LARGE1: variants seen among roughly 807,000 people sequenced by gnomAD.
The protein encoded by LARGE1 is xylosyl- and glucuronyltransferase LARGE1.
In LARGE1, 43 loss-of-function variants were observed where a neutral mutation model predicts 87.6. The ratio of observed to expected loss-of-function variants is 0.49; its 90% CI spans 0.38 to 0.63. LARGE1 has a LOEUF of 0.63. LARGE1 is among the 30% of genes least tolerant of loss of function. LARGE1 has a pLI of 0.00. For synonymous variants in LARGE1, 434 were observed against 394.6 expected (o/e 1.10, Z -1.18); for missense variants, 802 against 1,000.2 (o/e 0.80, Z 2.67).
At chr22:33,241,599 TAC>T (rs1049758072) in intron 11 of LARGE1, among the ~76,000 whole-genome samples, 24 of 152,178 alleles carry the variant, frequency 1.6e-4, no homozygotes, top group African/African-American at 5.1e-4. Flanking sequence ...TGTATATATG[TAC>T]ATATATATGT....
At chr22:33,332,047 G>A (rs1049433762) in intron 10 of LARGE1, among the ~76,000 whole-genome samples, 2 of 152,016 alleles carry the variant, frequency 1.3e-5, no homozygotes, top group African/African-American at 2.4e-5. Flanking sequence ...TGCAAGAGCC[G>A]AGCTTTAATC....
chr22:33,274,300 G>A lies in LARGE1; in HGVS notation c.*127C>T. 1.0e-6 allele frequency: 1 copy of A among 1,003,716 alleles called. No individual in the cohort carries two copies. The allele number at this position is 1,003,716 out of a possible 1,614,324, so 62.2% of individuals were successfully genotyped here. A position where few individuals can be genotyped will look rare whatever the true frequency, so the allele number is the denominator to read the frequency against. The stretch of plus-strand genomic sequence containing the variant: ...CTCTGTAGTGAGGGCAGCTTGGCTG[G>A]GCCAAAGAGATAAATAAAAACAAAC... On this transcript the variant is annotated 3_prime_UTR_variant, in exon 15 of 15. Transcript: ENST00000397394.
At chr22:33,184,104 C>CTATATATATATATATATATATA (rs1555880745) in intron 11 of LARGE1, among the ~76,000 whole-genome samples, 1 of 62,716 alleles carries the variant, frequency 1.6e-5, no homozygotes, top group African/African-American at 5.1e-5. Context: ...ATATATATAT[C>CTATATATATATATATATATATA]ATATCTTTAT....
intron 2 of LARGE1, among the ~76,000 whole-genome samples, chr22:33,755,638 C>T (rs963644545): frequency 3.3e-5 from 5 of 152,112 alleles, no homozygotes; most frequent in East Asian, 1.9e-4. Flanking sequence ...ACTCCAGTCC[C>T]GGAATTAACA....
At chr22:33,504,926 T>C (rs563887895) in intron 6 of LARGE1, among the ~76,000 whole-genome samples, 11 of 152,348 alleles carry the variant, frequency 7.2e-5, no homozygotes, top group African/African-American at 2.6e-4. Context: ...TGCTAAAGTG[T>C]ATAGCATCTA....
intron 1 of LARGE1, among the ~76,000 whole-genome samples, chr22:33,793,556 C>T (rs2085887930): frequency 6.6e-6 from 1 of 152,228 alleles, no homozygotes; most frequent in Non-Finnish European, 1.5e-5. Context: ...TGAAACCCGG[C>T]ACAGGCTGTG....
At position 33,298,984 on chromosome 22, in the gene LARGE1, G is replaced by A. The variant is rs556383235; in HGVS notation, c.1730+5245C>T. Among the ~76,000 whole-genome samples the A allele has an allele frequency of 1.3e-4, 20 of 152,228 alleles. No homozygotes were observed. In the South Asian group the frequency reaches 1.5e-3, roughly 11 times the overall value. ...AGCACTTTGGGAGGCCTGGGTGGGC[G>A]GATCACTTGAGACTAGGAGTTCAAG... On this transcript the variant is annotated intron_variant, in intron 12 of 14. Transcript: ENST00000397394.
intron 1 of LARGE1, among the ~76,000 whole-genome samples, chr22:33,822,589 T>C (rs1459039885): frequency 2.0e-5 from 3 of 151,940 alleles, no homozygotes; most frequent in Non-Finnish European, 2.9e-5. Flanking sequence ...TCCCAGCTAC[T>C]CGGGAGGCTG....
intron 5 of LARGE1, among the ~76,000 whole-genome samples, chr22:33,571,166 C>T (rs1216837834): frequency 6.6e-6 from 1 of 152,126 alleles, no homozygotes; most frequent in African/African-American, 2.4e-5. Flanking sequence ...TGCAGTCATG[C>T]CCAAGATTAT....
the LARGE1 span, among the ~76,000 whole-genome samples, chr22:33,104,889 CTCTT>C: frequency 0.075 from 6,657 of 88,714 alleles, 312 homozygotes; most frequent in African/African-American, 0.15. Context: ...GACTTTCTCT[CTCTT>C]TCTTTCTTTC....
At chr22:33,241,669 T>TGTATATATATTACAATGAAA (rs1926530284) in intron 11 of LARGE1, among the ~76,000 whole-genome samples, 1 of 152,004 alleles carries the variant, frequency 6.6e-6, no homozygotes, top group Non-Finnish European at 1.5e-5. Flanking sequence ...TGTGTGTGTA[T>TGTATATATATTACAATGAAA]GTATATATAT....
At chr22:33,441,035 T>A (rs988642654) in intron 6 of LARGE1, among the ~76,000 whole-genome samples, 2 of 151,206 alleles carry the variant, frequency 1.3e-5, no homozygotes, top group African/African-American at 2.4e-5. Flanking sequence ...TTTTTTCCTA[T>A]GTGTCTCAAA....
At position 33,793,112 on chromosome 22, in the gene LARGE1, C is replaced by T. The variant is rs187597126; in HGVS notation, c.-82-31554G>A. Among the ~76,000 whole-genome samples the T allele has an allele frequency of 2.3e-3, 343 of 152,322 alleles. 2 individuals carry two copies. The highest frequency in any genetic ancestry group is 4.0e-3 in the Non-Finnish European group (275 of 68,024). ...GATTTATGAGATGTTTACCACACTC[C>T]TACAGCATCGCACAGGATAAGTGTT... On this transcript the variant is annotated intron_variant, in intron 1 of 14. Coordinates refer to ENST00000397394, the MANE Select transcript of LARGE1 (RefSeq NM_133642.5).
At chr22:33,858,844 C>T (rs1010602035) in intron 1 of LARGE1, among the ~76,000 whole-genome samples, 27 of 152,276 alleles carry the variant, frequency 1.8e-4, no homozygotes, top group African/African-American at 6.0e-4. Context: ...ATACACACCA[C>T]GGAATACTAT....
chr22:33,380,780 A>G (rs1458923078), intron 9 of LARGE1, among the ~76,000 whole-genome samples: 1 of 152,246 alleles, frequency 6.6e-6, no homozygotes, highest in Non-Finnish European at 1.5e-5. Flanking sequence ...ATGGATATAA[A>G]CTTTATATGG....
intron 1 of LARGE1, among the ~76,000 whole-genome samples, chr22:33,811,558 T>A (rs188719855): frequency 4.1e-4 from 63 of 152,286 alleles, no homozygotes; most frequent in African/African-American, 1.5e-3. Flanking sequence ...GAAAAAAAGA[T>A]TTCCCAAATA....
At chr22:33,721,379 G>A (rs932572002) in intron 2 of LARGE1, among the ~76,000 whole-genome samples, 1 of 152,198 alleles carries the variant, frequency 6.6e-6, no homozygotes, top group African/African-American at 2.4e-5. Context: ...ATGACGATTA[G>A]GTGAGAATTT....
intron 11 of LARGE1, among the ~76,000 whole-genome samples, chr22:33,263,507 C>G (rs1927758733): frequency 6.6e-6 from 1 of 152,204 alleles, no homozygotes; most frequent in Admixed American, 6.5e-5. Context: ...GGTCAATAGC[C>G]ATGTAGAGAG....
At chr22:33,524,735 C>T (rs2071797625) in intron 6 of LARGE1, among the ~76,000 whole-genome samples, 1 of 148,000 alleles carries the variant, frequency 6.8e-6, no homozygotes, top group Non-Finnish European at 1.5e-5. Context: ...TCTGCCAAAA[C>T]TTTCTAGGTA....
Sources: allele counts gnomAD v4.1 joint callset (sites outside exome capture counted in the v4.1 genomes callset), GRCh38; gene constraint gnomAD v4.1.1; transcripts MANE v1.5; gene names NCBI Gene and HGNC (gene_info 2026-07-23, HGNC 2026-07-21).